The following BBOF1 variants were observed in gnomAD, a reference collection of about 807,000 sequenced individuals.
BBOF1 encodes the protein basal body-orientation factor 1.
Under a neutral mutation model 68.0 loss-of-function variants are expected in BBOF1, and 62 were observed. The ratio of observed to expected loss-of-function variants is 0.91; its 90% CI spans 0.74 to 1.13. The LOEUF (loss-of-function observed/expected upper bound fraction) is 1.13. Ranked by LOEUF, BBOF1 falls within the 50% of genes most tolerant of loss-of-function variation. BBOF1 has a pLI of 0.00. For synonymous variants in BBOF1, 208 were observed against 198.8 expected, an observed-to-expected ratio of 1.05 and a Z score of -0.39; for missense variants, 534 against 600.1, an observed-to-expected ratio of 0.89 and a Z score of 1.15.
chr14:74,028,233 G>A (rs1320152734), intron 2 of BBOF1, among the ~76,000 whole-genome samples: 2 of 152,026 alleles, frequency 1.3e-5, no homozygotes, highest in Non-Finnish European at 1.5e-5. Context: ...GCCAAGTGTG[G>A]TGGCGCATGC....
chr14:74,023,352 G>T (rs2059346304), intron 2 of BBOF1, among the ~76,000 whole-genome samples: 1 of 152,084 alleles, frequency 6.6e-6, no homozygotes, highest in South Asian at 2.1e-4. Flanking sequence ...CTTGTTGCAT[G>T]TTTTCTTGTC....
At position 74,076,413 on chromosome 14, in the gene BBOF1, G is replaced by A. The variant is rs1051623652; in HGVS notation, n.1380-1783G>A. 6.6e-5 allele frequency among the ~76,000 whole-genome samples: 10 copies of A among 152,170 alleles called. No individual in the cohort carries two copies. In the East Asian group the frequency reaches 1.5e-3, roughly 23 times the overall value. ...GTCTCACTCTGTCGCCCAGGCTGGA[G>A]TGCAGTGGCATGATCTCGGCTCACT... On this transcript the variant is annotated intron_variant and non_coding_transcript_variant, in intron 9 of 12. Transcript: ENST00000492026.
chr14:74,029,914 T>G (rs987085477), intron 3 of BBOF1, among the ~76,000 whole-genome samples: 1 of 152,118 alleles, frequency 6.6e-6, no homozygotes, highest in African/African-American at 2.4e-5. Context: ...TTTATCTGTA[T>G]CTCCTTTATC....
downstream of BBOF1, chr14:74,069,101 CTTTTTT>C (rs900873855): frequency 2.6e-4 from 118 of 461,768 alleles, no homozygotes; most frequent in East Asian, 1.6e-3. Context: ...TTTACTTTTT[CTTTTTT>C]TTTTTTTTTT....
chr14:74,036,973 CTTTTTTT>C (rs548819182), intron 4 of BBOF1, among the ~76,000 whole-genome samples: 1 of 104,404 alleles, frequency 9.6e-6, no homozygotes, highest in South Asian at 2.9e-4. Flanking sequence ...TTTCTTTTTT[CTTTTTTT>C]TTTTTTTTTT....
At chr14:74,025,492 T>C (rs1376422407) in intron 2 of BBOF1, among the ~76,000 whole-genome samples, 1 of 152,212 alleles carries the variant, frequency 6.6e-6, no homozygotes, top group African/African-American at 2.4e-5. Context: ...GTCATGTTAA[T>C]TATAGAAATA....
intron 2 of BBOF1, among the ~76,000 whole-genome samples, chr14:74,027,385 C>CA (rs2059456849): frequency 3.3e-5 from 2 of 61,100 alleles, no homozygotes; most frequent in South Asian, 1.3e-3. Context: ...CCTCGCCCAG[C>CA]TTTTTTTTTT....
At chr14:74,051,454 C>T (rs1396941691) in intron 8 of BBOF1, among the ~76,000 whole-genome samples, 1 of 151,544 alleles carries the variant, frequency 6.6e-6, no homozygotes, top group Non-Finnish European at 1.5e-5. Flanking sequence ...TTATTTGTAA[C>T]AATTCTTTGT....
intron 4 of BBOF1, among the ~76,000 whole-genome samples, chr14:74,035,625 G>C (rs1210619311): frequency 8.4e-6 from 1 of 118,504 alleles, no homozygotes; most frequent in Non-Finnish European, 1.6e-5. Flanking sequence ...TAGAGTCAGG[G>C]TTTTACCATG....
At position 74,043,187 on chromosome 14, in the gene BBOF1, T is replaced by C. The variant is rs575700770; in HGVS notation, c.576+2542T>C. ...CCCAGATCATTGGTGTTTGGTTTGA[T>C]TTTCCCATTTATTTCTTTCTATTCT... On this transcript the variant is annotated intron_variant, in intron 5 of 11. Transcript: ENST00000394009. Among the ~76,000 whole-genome samples the C allele has an allele frequency of 9.2e-5, 14 of 152,218 alleles. No individual in the cohort carries two copies. The East Asian group carries it at 2.5e-3, about 27-fold the overall frequency.
chr14:74,074,329 C>G (rs1035345302), intron 9 of BBOF1, among the ~76,000 whole-genome samples: 3 of 146,276 alleles, frequency 2.1e-5, no homozygotes, highest in African/African-American at 7.6e-5. Context: ...GCTCTGTCAT[C>G]AGGCTGGAGT....
chr14:74,076,456 T>A (rs1478893862), intron 9 of BBOF1, among the ~76,000 whole-genome samples: 1 of 151,830 alleles, frequency 6.6e-6, no homozygotes, highest in Non-Finnish European at 1.5e-5. Flanking sequence ...CTGCCTCCCG[T>A]GTTCAAGCGA....
In BBOF1 at chr14:74,049,944, G is replaced by C; in HGVS notation, c.1035G>C (p.Val345=). 1.2e-6 allele frequency: 2 copies of C among 1,614,194 alleles called. No individual in the cohort carries two copies. The highest frequency in any genetic ancestry group is 1.7e-6 in the Non-Finnish European group (2 of 1,180,040). ...TGAAGGACAGGGAAATGAATCGTGT[G>C]AAGAAGCTGGCCAAGAACATACTGG... The part of the protein sequence containing the change: ...LQMKDREMNR[V]KKLAKNILDE... Residue 345 remains valine (V), a synonymous_variant, in exon 8 of 12, where the codon GTG becomes GTC. Transcript: ENST00000394009.
chr14:74,072,621 AC>A lies in BBOF1; in HGVS notation n.1380-5574del, dbSNP rs375892601. On this transcript the variant is annotated intron_variant and non_coding_transcript_variant, in intron 9 of 12. Coordinates refer to the BBOF1 transcript ENST00000492026. ...AGAGCTTTACAGTTGGCTGAAAAAA[AC>A]AAACAAACAAACAAACAAACAAAAA... 370 of 1,540,106 alleles carry A rather than the reference AC, an allele frequency of 2.4e-4. 1 individual carries two copies. Among genetic ancestry groups the A allele is most frequent in the East Asian group, 1.2e-3 (52 of 42,958 alleles).
chr14:74,066,812 T>C, downstream of BBOF1: 1 of 1,614,090 alleles, frequency 6.2e-7, no homozygotes, highest in South Asian at 1.1e-5. Context: ...TTTGTTCCAC[T>C]ATCAATCAGA....
chr14:74,065,554 C>A lies in BBOF1; in HGVS notation c.*855C>A. On this transcript the variant is annotated 3_prime_UTR_variant, in exon 12 of 12. Transcript: ENST00000394009. ...GTATTCCGTCTTCCAAGTTACCAAT[C>A]ATATAAACAACTTGGAATTCCTATC... 3 of 593,128 alleles carry A rather than the reference C, an allele frequency of 5.1e-6. No individual in the cohort carries two copies. Among genetic ancestry groups the A allele is most frequent in the Non-Finnish European group, 5.9e-6 (2 of 336,460 alleles). 36.7% of individuals were successfully genotyped at this position (593,128 alleles called of 1,614,324 possible). A position where few individuals can be genotyped will look rare whatever the true frequency, so the allele number is the denominator to read the frequency against.
chr14:74,040,457 G>A (rs1414672656), intron 4 of BBOF1, 108 bp from the exon 5 acceptor site: 2 of 697,094 alleles, frequency 2.9e-6, no homozygotes, highest in Non-Finnish European at 4.8e-6. Flanking sequence ...AGGATTAAGA[G>A]GTAACATATA....
At chr14:74,072,275 T>C (rs1224161150) in intron 9 of BBOF1, 1 of 1,614,120 alleles carries the variant, frequency 6.2e-7, no homozygotes, top group Non-Finnish European at 8.5e-7. Context: ...TGTCTGCCCA[T>C]GCAGGAAAAG....
At chr14:74,044,170 C>T (rs114934494) in intron 5 of BBOF1, among the ~76,000 whole-genome samples, 1,567 of 151,936 alleles carry the variant, frequency 0.01, 32 homozygotes, top group African/African-American at 0.036. Flanking sequence ...CACCTGAACT[C>T]GGGAGACAGA....
Sources: allele counts gnomAD v4.1 joint callset (sites outside exome capture counted in the v4.1 genomes callset), GRCh38; gene constraint gnomAD v4.1.1; transcripts MANE v1.5; gene names NCBI Gene and HGNC (gene_info 2026-07-23, HGNC 2026-07-21).